GBE1: variants seen among roughly 807,000 people sequenced by gnomAD.
GBE1 encodes the protein 1,4-alpha-glucan-branching enzyme.
GBE1 carries 70 observed loss-of-function variants against 88.8 expected under a neutral mutation model. That is an observed-to-expected ratio of 0.79 (90% confidence interval 0.65 to 0.96). GBE1 has a LOEUF of 0.96. GBE1 is among the 40% of genes least tolerant of loss of function. The probability of loss-of-function intolerance (pLI) is 0.00; values close to 1 mark genes in which losing one functional copy is unlikely to be tolerated. For missense variants in GBE1, 872 were observed against 871.0 expected (o/e 1.00, Z -0.01); for synonymous variants, 284 against 300.1 (o/e 0.95, Z 0.56).
At chr3:81,716,872 T>C (rs938870726) in intron 1 of GBE1, among the ~76,000 whole-genome samples, 6 of 152,206 alleles carry the variant, frequency 3.9e-5, no homozygotes, top group African/African-American at 1.4e-4. Context: ...TAGAGTCTTC[T>C]GGCAAAGTGA....
At chr3:81,714,208 T>C (rs919394268) in intron 1 of GBE1, among the ~76,000 whole-genome samples, 1 of 152,192 alleles carries the variant, frequency 6.6e-6, no homozygotes, top group Non-Finnish European at 1.5e-5. Context: ...ACATAAGTTT[T>C]CAATGAACAA....
At chr3:81,574,967 A>C (rs1477048882) in intron 12 of GBE1, among the ~76,000 whole-genome samples, 1 of 152,152 alleles carries the variant, frequency 6.6e-6, no homozygotes, top group African/African-American at 2.4e-5. Flanking sequence ...GATCGAGATC[A>C]TCCTGTCTAA....
chr3:81,550,333 C>T (rs1412301700), intron 12 of GBE1, among the ~76,000 whole-genome samples: 1 of 151,306 alleles, frequency 6.6e-6, no homozygotes, highest in Non-Finnish European at 1.5e-5. Context: ...TCTGACTGAG[C>T]TCCTCTCTAC....
chr3:81,628,436 G>A (rs1038722286), intron 7 of GBE1, among the ~76,000 whole-genome samples: 1 of 151,940 alleles, frequency 6.6e-6, no homozygotes, highest in Non-Finnish European at 1.5e-5. Context: ...AAGAGCTCTG[G>A]GAAATCTGAA....
intron 12 of GBE1, among the ~76,000 whole-genome samples, chr3:81,554,595 G>A (rs1703321093): frequency 1.3e-5 from 2 of 152,096 alleles, no homozygotes; most frequent in Admixed American, 1.3e-4. Flanking sequence ...AACTTCCCTA[G>A]TCAATTACTC....
intron 10 of GBE1, 54 bp from the exon 11 acceptor site, chr3:81,581,329 T>G: frequency 1.0e-6 from 1 of 1,004,396 alleles, no homozygotes; most frequent in Non-Finnish European, 1.5e-6. Context: ...TTTTCTTATT[T>G]TTAAATCACA....
At chr3:81,514,223 G>C (rs1220623844) in intron 14 of GBE1, among the ~76,000 whole-genome samples, 1 of 149,250 alleles carries the variant, frequency 6.7e-6, no homozygotes, top group Non-Finnish European at 1.5e-5. Context: ...GAACACATGA[G>C]AAAAAAAAAC....
chr3:81,498,316 G>A (rs1702543364), intron 15 of GBE1, among the ~76,000 whole-genome samples: 1 of 152,032 alleles, frequency 6.6e-6, no homozygotes, highest in Non-Finnish European at 1.5e-5. Flanking sequence ...CTAAACCTTT[G>A]AAAAGTGAGA....
At chr3:81,538,163 A>G (rs1703099979) in intron 12 of GBE1, among the ~76,000 whole-genome samples, 1 of 151,960 alleles carries the variant, frequency 6.6e-6, no homozygotes. Context: ...AATTTTATAA[A>G]TTTCTCCAAT....
intron 1 of GBE1, among the ~76,000 whole-genome samples, chr3:81,739,470 A>G (rs978560522): frequency 5.3e-5 from 8 of 152,070 alleles, no homozygotes; most frequent in Non-Finnish European, 1.0e-4. Context: ...TATTCCTATT[A>G]CCTCCAACTA....
intron 2 of GBE1, among the ~76,000 whole-genome samples, chr3:81,701,804 T>C (rs563477363): frequency 3.3e-5 from 5 of 152,066 alleles, no homozygotes; most frequent in African/African-American, 1.2e-4. Context: ...GGTCTATCTC[T>C]GTTGCCCAAG....
chr3:81,702,161 T>A (rs1705704684), intron 2 of GBE1, among the ~76,000 whole-genome samples: 1 of 124,074 alleles, frequency 8.1e-6, no homozygotes, highest in African/African-American at 3.1e-5. Flanking sequence ...GTGTGTGTGT[T>A]AAGGCATGGT....
chr3:81,653,023 A>C (rs1704873087), intron 3 of GBE1, among the ~76,000 whole-genome samples: 1 of 152,202 alleles, frequency 6.6e-6, no homozygotes, highest in Non-Finnish European at 1.5e-5. Context: ...GGCTTGATTG[A>C]TCTTTCAACA....
Position 81,549,393 on chromosome 3 carries a change from T to A in GBE1, c.1619-12298A>T, listed in dbSNP as rs547769349. On this transcript the variant is annotated intron_variant, in intron 12 of 15. Transcript: ENST00000429644. ...TGCAATAAGAATCTGTTTCCTTTTG[T>A]AACAGGACACAATTGGTGAAACTGG... is the stretch of plus-strand genomic sequence containing the variant. Among the ~76,000 whole-genome samples the A allele has an allele frequency of 2.0e-5, 3 of 151,672 alleles. No homozygotes were observed. In the East Asian group the frequency reaches 5.8e-4, roughly 29 times the overall value.
chr3:81,680,907 C>T (rs1240233664), intron 2 of GBE1, among the ~76,000 whole-genome samples: 3 of 152,266 alleles, frequency 2.0e-5, no homozygotes, highest in African/African-American at 7.2e-5. Flanking sequence ...ACCCTGATCG[C>T]AGGCTTCCAG....
At chr3:81,662,970 C>T (rs1439123194) in intron 3 of GBE1, among the ~76,000 whole-genome samples, 3 of 152,110 alleles carry the variant, frequency 2.0e-5, no homozygotes, top group Non-Finnish European at 4.4e-5. Context: ...ATTGGTTTTG[C>T]CTGAGAATGC....
At chr3:81,521,145 A>G (rs2106846394) in intron 14 of GBE1, among the ~76,000 whole-genome samples, 1 of 151,640 alleles carries the variant, frequency 6.6e-6, no homozygotes, top group East Asian at 1.9e-4. Context: ...ATGTCTTGCT[A>G]TTTGATATAC....
intron 14 of GBE1, among the ~76,000 whole-genome samples, chr3:81,512,751 C>T (rs973408707): frequency 6.6e-6 from 1 of 151,714 alleles, no homozygotes. Flanking sequence ...GCTTGCCTAA[C>T]CAGTATCACT....
At chr3:81,526,083 G>C (rs1483698182) in intron 14 of GBE1, among the ~76,000 whole-genome samples, 1 of 151,944 alleles carries the variant, frequency 6.6e-6, no homozygotes, top group East Asian at 1.9e-4. Flanking sequence ...GCTTTTGAAT[G>C]TGTTTGCTCT....
Sources: allele counts gnomAD v4.1 joint callset (sites outside exome capture counted in the v4.1 genomes callset), GRCh38; gene constraint gnomAD v4.1.1; transcripts MANE v1.5; gene names NCBI Gene and HGNC (gene_info 2026-07-23, HGNC 2026-07-21).